The following CCNB1 variants were observed in gnomAD, a reference collection of about 807,000 sequenced individuals.
The protein encoded by CCNB1 is cyclin B1.
CCNB1 carries 26 observed loss-of-function variants against 44.4 expected under a neutral mutation model. The ratio of observed to expected loss-of-function variants is 0.59; its 90% confidence interval spans 0.43 to 0.81. CCNB1 has a LOEUF of 0.81. Ranked by LOEUF, CCNB1 falls within the 40% of genes least tolerant of loss-of-function variation. The pLI, the probability that CCNB1 is intolerant of heterozygous loss-of-function variation, is 0.00. For missense variants in CCNB1, 477 were observed against 520.9 expected, an observed-to-expected ratio of 0.92 and a Z score of 0.82; for synonymous variants, 195 against 181.4, an observed-to-expected ratio of 1.08 and a Z score of -0.60.
rs1256861835 is a variant in CCNB1 at position 69,167,935 on chromosome 5, G to A, written c.49G>A (p.Ala17Thr). 7 of 1,611,082 alleles carry A rather than the reference G, an allele frequency of 4.3e-6. No individual in the cohort carries two copies. The highest frequency in any genetic ancestry group is 4.0e-5 in the African/African-American group (3 of 74,724). Residue 17 changes from alanine (A) to threonine (T), a missense_variant, in exon 2 of 9, where the codon GCG becomes ACG. Transcript: ENST00000256442. ...RNSKINAENK[A>T]KINMAGAKRV... ...CTCGAAAATTAATGCTGAAAATAAG[G>A]CGAAGATCAACATGGCAGGCGCAAA...
At chr5:69,174,811 CCTT>C (rs954822933) in intron 5 of CCNB1, 63 bp from the exon 6 acceptor site, 30 of 1,231,990 alleles carry the variant, frequency 2.4e-5, no homozygotes, top group Middle Eastern at 1.9e-4. Flanking sequence ...TTCTACCTCT[CCTT>C]CATCATAGCT....
In CCNB1 at chr5:69,174,852, C is replaced by A. The variant is rs752883310; in HGVS notation, c.706-25C>A. ...GTGTCTCCTTTTCAAACATTTTATT[C>A]ACCCTATTGAAATTCCCATTGCAGA... On this transcript the variant is annotated intron_variant, in intron 5 of 8. Coordinates refer to ENST00000256442, the MANE Select transcript of CCNB1 (RefSeq NM_031966.4). 3 of 1,558,408 alleles carry A rather than the reference C, an allele frequency of 1.9e-6. No homozygotes were observed. The South Asian group carries it at 3.3e-5, about 17-fold the overall frequency.
At chr5:69,167,835 C>A in intron 1 of CCNB1, 73 bp from the exon 2 acceptor site, 1 of 1,360,336 alleles carries the variant, frequency 7.4e-7, no homozygotes, top group Non-Finnish European at 1.0e-6. Flanking sequence ...TCTCCTTGTG[C>A]CCCACCTTAA....
intron 3 of CCNB1, among the ~76,000 whole-genome samples, chr5:69,170,292 CT>C (rs756136812): frequency 1.3e-5 from 2 of 152,054 alleles, no homozygotes; most frequent in Non-Finnish European, 2.9e-5. Flanking sequence ...TATTTCTTTA[CT>C]TTGTCTACTA....
chr5:69,175,468 C>G lies in CCNB1; in HGVS notation c.1014C>G (p.His338Gln), dbSNP rs1341256993. 3.1e-6 allele frequency: 5 copies of G among 1,613,922 alleles called. No individual in the cohort carries two copies. The highest frequency in any genetic ancestry group is 4.2e-6 in the Non-Finnish European group (5 of 1,179,878). Residue 338 changes from histidine to glutamine, a missense_variant, in exon 7 of 9, where the codon CAC (histidine) becomes CAG (glutamine). His to Gln is a conservative substitution (Grantham distance 24, BLOSUM62 0). Coordinates refer to ENST00000256442, the MANE Select transcript of CCNB1 (RefSeq NM_031966.4). ...ELTMLDYDMVHFPPSQIAAGA... is the reference protein window; with the variant it reads ...ELTMLDYDMVQFPPSQIAAGA... ...CTATGTTGGACTATGACATGGTGCA[C>G]TTTCCTCCTTCTCAAATTGCAGCAG...
intron 2 of CCNB1, 39 bp downstream of exon 2, chr5:69,168,117 C>T (rs370662203): frequency 2.0e-5 from 32 of 1,610,996 alleles, no homozygotes; most frequent in Non-Finnish European, 2.4e-5. Flanking sequence ...AAGAGCCCGC[C>T]TTCCAACTGT....
Position 69,167,185 on chromosome 5 carries a change from G to T in CCNB1, c.-78G>T. 1 of 1,275,650 alleles carries T rather than the reference G, an allele frequency of 7.8e-7. No homozygotes were observed. Among genetic ancestry groups the T allele is most frequent in the Non-Finnish European group, 1.1e-6 (1 of 931,732 alleles). 79.0% of individuals were successfully genotyped at this position (1,275,650 alleles called of 1,614,324 possible). On this transcript the variant is annotated 5_prime_UTR_variant, in exon 1 of 9. Coordinates refer to ENST00000256442, the MANE Select transcript of CCNB1 (RefSeq NM_031966.4). ...GGCGGAACGGCTGTTGGTTTCTGCT[G>T]GGTGTAGGTCCTTGGCTGGTCGGGC...
intron 3 of CCNB1, among the ~76,000 whole-genome samples, chr5:69,170,277 G>T (rs531439444): frequency 6.6e-6 from 1 of 152,036 alleles, no homozygotes; most frequent in Non-Finnish European, 1.5e-5. Flanking sequence ...CACCATGCCC[G>T]ACCTTATTTC....
intron 4 of CCNB1, among the ~76,000 whole-genome samples, chr5:69,173,705 A>C (rs1387559789): frequency 6.6e-6 from 1 of 152,210 alleles, no homozygotes; most frequent in Non-Finnish European, 1.5e-5. Flanking sequence ...GTGGTGAAGA[A>C]TATCGTAAGA....
rs753686417 is a variant in CCNB1 at position 69,174,995 on chromosome 5, A to T, written c.824A>T (p.Asn275Ile). ...EIGDFAFVTD[N>I]TYTKHQIRQM... ...GGTGACTTTGCTTTTGTGACTGACA[A>T]CACTTATACTAAGCACCAAATCAGA... The change falls in exon 6 of 9, where the codon AAC becomes ATC. Residue 275 changes from asparagine to isoleucine, a missense_variant. Physicochemically the swap from Asn to Ile is moderately radical, Grantham distance 149 (BLOSUM62 -3). Transcript: ENST00000256442. The T allele has an allele frequency of 1.2e-6, 2 of 1,614,188 alleles. No individual in the cohort carries two copies. The highest frequency in any genetic ancestry group is 2.2e-5 in the South Asian group (2 of 91,088).
chr5:69,175,166 C>T (rs1266337380), intron 6 of CCNB1, 53 bp downstream of exon 6: 6 of 1,322,046 alleles, frequency 4.5e-6, no homozygotes, highest in East Asian at 4.6e-5. Flanking sequence ...GGGAACACTG[C>T]TGCTGACCAA....
Position 69,174,780 on chromosome 5 carries a change from T to TTAA in CCNB1, c.706-96_706-95insAAT, listed in dbSNP as rs1172154698. ...CTTGGGGGATATGGTGTCATTAAGA[T>TTAA]TTTGCTATGGGAGAATGTCTTTCTA... On this transcript the variant is annotated intron_variant, in intron 5 of 8. Transcript: ENST00000256442. The TTAA allele has an allele frequency of 3.7e-3, 3,007 of 823,342 alleles. 70 individuals carry two copies. In the African/African-American group the frequency reaches 0.049, roughly 14 times the overall value. 51.0% of individuals were successfully genotyped at this position (823,342 alleles called of 1,614,324 possible). A position where few individuals can be genotyped will look rare whatever the true frequency, so the allele number is the denominator to read the frequency against.
At position 69,167,943 on chromosome 5, in the gene CCNB1, C is replaced by T. The variant is rs1181291914; in HGVS notation, c.57C>T (p.Ile19=). 6.2e-7 allele frequency: 1 copy of T among 1,612,548 alleles called. No individual in the cohort carries two copies. The highest frequency in any genetic ancestry group is 1.3e-5 in the African/African-American group (1 of 74,940). ...TTAATGCTGAAAATAAGGCGAAGATCAACATGGCAGGCGCAAAGCGCGTTC... is the reference window on the plus strand; with the variant it reads ...TTAATGCTGAAAATAAGGCGAAGATTAACATGGCAGGCGCAAAGCGCGTTC... ...SKINAENKAK[I]NMAGAKRVPT... The change falls in exon 2 of 9, where the codon ATC becomes ATT. Residue 19 remains isoleucine (I), a synonymous_variant. Transcript: ENST00000256442.
At position 69,167,888 on chromosome 5, in the gene CCNB1, A is replaced by G; in HGVS notation, c.22-20A>G. The G allele has an allele frequency of 6.3e-7, 1 of 1,597,784 alleles. No homozygotes were observed. The highest frequency in any genetic ancestry group is 8.5e-7 in the Non-Finnish European group (1 of 1,172,988). On this transcript the variant is annotated intron_variant, in intron 1 of 8. Coordinates refer to ENST00000256442, the MANE Select transcript of CCNB1 (RefSeq NM_031966.4). ...CGAGCCTTCGTGGATCAGCTCTTAA[A>G]GTGGTCTTGCTTCTTTCAGAACTCG...
chr5:69,168,225 C>G lies in CCNB1; in HGVS notation c.245C>G (p.Pro82Arg), dbSNP rs751415136. ...GKVIDKKLPK[P>R]LEKVPMLVPV... The stretch of plus-strand genomic sequence containing the variant: ...GTCATTGATAAAAAACTACCAAAAC[C>G]TCTTGAAAAGGTACCTATGCTGGTG... Residue 82 changes from proline to arginine, a missense_variant, in exon 3 of 9, where the codon CCT (proline) becomes CGT (arginine). Transcript: ENST00000256442. The G allele has an allele frequency of 1.2e-6, 2 of 1,614,178 alleles. No individual in the cohort carries two copies. Among genetic ancestry groups the G allele is most frequent in the East Asian group, 4.5e-5 (2 of 44,896 alleles).
At position 69,175,433 on chromosome 5, in the gene CCNB1, A is replaced by T. The variant is rs764132010; in HGVS notation, c.979A>T (p.Met327Leu). ...GCAACATACTTTGGCCAAATACCTG[A>T]TGGAACTAACTATGTTGGACTATGA... Reference protein sequence around the residue: ...VEQHTLAKYLMELTMLDYDMV... With the variant: ...VEQHTLAKYLLELTMLDYDMV... The change falls in exon 7 of 9, where the codon ATG becomes TTG. Residue 327 changes from methionine (M) to leucine (L), a missense_variant. By Grantham distance (15) the Met-to-Leu change is conservative. Transcript: ENST00000256442. 17 of 1,613,818 alleles carry T rather than the reference A, an allele frequency of 1.1e-5. No individual in the cohort carries two copies. The highest frequency in any genetic ancestry group is 1.4e-5 in the Non-Finnish European group (16 of 1,179,904).
chr5:69,168,101 T>A (rs1407833685), intron 2 of CCNB1, 23 bp downstream of exon 2: 3 of 1,611,668 alleles, frequency 1.9e-6, no homozygotes, highest in Non-Finnish European at 2.5e-6. Context: ...CTGACCTAAC[T>A]TCTGTAAGAG....
intron 4 of CCNB1, 83 bp downstream of exon 4, chr5:69,171,535 G>T: frequency 2.0e-6 from 2 of 985,400 alleles, no homozygotes; most frequent in Admixed American, 4.9e-5. Flanking sequence ...AATAATACAA[G>T]CAGGACGTGG....
At chr5:69,175,304 A>T (rs756327016) in intron 6 of CCNB1, 93 bp from the exon 7 acceptor site, 9 of 1,226,666 alleles carry the variant, frequency 7.3e-6, no homozygotes, top group Non-Finnish European at 9.2e-6. Flanking sequence ...GTTTGTAGAC[A>T]AACATTTGTA....
Sources: gnomAD v4.1 joint callset for allele counts (sites outside exome capture counted in the v4.1 genomes callset) on GRCh38, gnomAD v4.1.1 for gene constraint, MANE v1.5 for transcripts, NCBI Gene and HGNC (gene_info 2026-07-23, HGNC 2026-07-21) for gene names.